Variants in SETBP1 observed in about 807,000 individuals in gnomAD.
SETBP1 encodes the protein SET binding protein 1.
Under a neutral mutation model 101.0 loss-of-function variants are expected in SETBP1, and 9 were observed. The observed-to-expected ratio is 0.09, with a 90% CI of 0.05 to 0.16. The LOEUF is 0.16. SETBP1 is among the 10% of genes least tolerant of loss of function. The probability of loss-of-function intolerance (pLI) is 1.00; values close to 1 mark genes in which losing one functional copy is unlikely to be tolerated. For synonymous variants in SETBP1, 818 were observed against 788.5 expected, an observed-to-expected ratio of 1.04 and a Z score of -0.63; for missense variants, 1,858 against 2,033.8, an observed-to-expected ratio of 0.91 and a Z score of 1.66.
At position 44,715,418 on chromosome 18, in the gene SETBP1, G is replaced by A. The variant is rs147969670; in HGVS notation, c.486+13586G>A. 2.4e-3 allele frequency among the ~76,000 whole-genome samples: 358 copies of A among 152,306 alleles called. 1 individual carries two copies. Among genetic ancestry groups the A allele is most frequent in the African/African-American group, 8.3e-3 (347 of 41,562 alleles). ...AGTTATTTACAGGGTATTCTAAAGTGTCCTGGTTTGGACTGAGAATGTGGG... is the reference window on the plus strand; with the variant it reads ...AGTTATTTACAGGGTATTCTAAAGTATCCTGGTTTGGACTGAGAATGTGGG... On this transcript the variant is annotated intron_variant, in intron 2 of 5. Transcript: ENST00000649279.
At chr18:44,729,326 A>G (rs2069784400) in intron 2 of SETBP1, among the ~76,000 whole-genome samples, 2 of 152,240 alleles carry the variant, frequency 1.3e-5, no homozygotes, top group Admixed American at 1.3e-4. Context: ...CTGGAGCAAG[A>G]GATGCCAGCT....
intron 4 of SETBP1, among the ~76,000 whole-genome samples, chr18:44,992,184 G>C (rs962220797): frequency 5.3e-5 from 8 of 152,022 alleles, no homozygotes; most frequent in Admixed American, 6.5e-5. Context: ...CTTACCATAT[G>C]ACTTAAGAAA....
chr18:44,879,853 C>G (rs553815322), intron 3 of SETBP1, among the ~76,000 whole-genome samples: 3 of 152,310 alleles, frequency 2.0e-5, no homozygotes, highest in East Asian at 3.9e-4. Context: ...TTCCCACCTA[C>G]AGCACTTTCT....
chr18:45,038,177 A>G (rs1047624037), intron 4 of SETBP1, among the ~76,000 whole-genome samples: 1 of 152,120 alleles, frequency 6.6e-6, no homozygotes, highest in Non-Finnish European at 1.5e-5. Context: ...CTCTGTAAAG[A>G]TGGGAATGTA....
At chr18:44,796,444 C>T (rs1414812819) in intron 2 of SETBP1, among the ~76,000 whole-genome samples, 4 of 152,188 alleles carry the variant, frequency 2.6e-5, no homozygotes, top group Admixed American at 2.6e-4. Flanking sequence ...TAAGAATGAC[C>T]TGGGGAACTA....
chr18:44,851,984 C>G (rs2072877466), intron 2 of SETBP1, among the ~76,000 whole-genome samples: 1 of 152,254 alleles, frequency 6.6e-6, no homozygotes, highest in South Asian at 2.1e-4. Context: ...CACGCCCTCC[C>G]AGGTGCAGGC....
chr18:44,910,519 T>C (rs1041418163), intron 3 of SETBP1, among the ~76,000 whole-genome samples: 7 of 152,148 alleles, frequency 4.6e-5, no homozygotes, highest in African/African-American at 1.4e-4. Context: ...GCTCCATGTT[T>C]ATCAAAGATC....
chr18:44,755,254 C>G (rs1471643392), intron 2 of SETBP1, among the ~76,000 whole-genome samples: 2 of 152,144 alleles, frequency 1.3e-5, no homozygotes, highest in African/African-American at 4.8e-5. Context: ...TATTAGGTGT[C>G]AACTTGATTG....
chr18:44,898,584 G>A (rs780555951), intron 3 of SETBP1, among the ~76,000 whole-genome samples: 1 of 152,138 alleles, frequency 6.6e-6, no homozygotes, highest in Non-Finnish European at 1.5e-5. Context: ...GGGGAAGGAA[G>A]CCAGGAAGGC....
chr18:44,738,663 C>T (rs998864626), intron 2 of SETBP1, among the ~76,000 whole-genome samples: 1 of 151,768 alleles, frequency 6.6e-6, no homozygotes, highest in African/African-American at 2.4e-5. Flanking sequence ...AATGCCAGCT[C>T]CTCAGGAGGC....
chr18:44,760,306 T>G (rs1450051515), intron 2 of SETBP1, among the ~76,000 whole-genome samples: 5 of 152,168 alleles, frequency 3.3e-5, no homozygotes, highest in Non-Finnish European at 7.4e-5. Context: ...CTGGTTTACG[T>G]GGGTGCACTG....
At chr18:44,835,359 G>A (rs986351775) in intron 2 of SETBP1, among the ~76,000 whole-genome samples, 14 of 151,492 alleles carry the variant, frequency 9.2e-5, no homozygotes, top group African/African-American at 3.4e-4. Context: ...GTGTTTGACA[G>A]TCTCTCTACT....
intron 2 of SETBP1, among the ~76,000 whole-genome samples, chr18:44,805,221 G>A (rs923125296): frequency 2.6e-5 from 4 of 152,074 alleles, no homozygotes; most frequent in East Asian, 1.9e-4. Context: ...ATGAGAAACC[G>A]TTTAAGACTC....
At chr18:45,032,198 A>T (rs1282456495) in intron 4 of SETBP1, among the ~76,000 whole-genome samples, 1 of 152,198 alleles carries the variant, frequency 6.6e-6, no homozygotes, top group Non-Finnish European at 1.5e-5. Context: ...TTGAAATAAT[A>T]AATGGATGAA....
intron 4 of SETBP1, among the ~76,000 whole-genome samples, chr18:44,975,328 G>A (rs1213954004): frequency 6.6e-6 from 1 of 152,208 alleles, no homozygotes. Flanking sequence ...CTTACATAGA[G>A]ATGGAATTTA....
intron 4 of SETBP1, among the ~76,000 whole-genome samples, chr18:44,990,983 G>A (rs1416062557): frequency 2.7e-5 from 4 of 150,456 alleles, no homozygotes; most frequent in Non-Finnish European, 4.4e-5. Flanking sequence ...GGGAGTGGTG[G>A]CTCACGCCTG....
intron 2 of SETBP1, among the ~76,000 whole-genome samples, chr18:44,782,909 A>T (rs1449700381): frequency 2.0e-5 from 3 of 152,048 alleles, no homozygotes; most frequent in Non-Finnish European, 1.5e-5. Flanking sequence ...CCATGACCCC[A>T]TTTTCTTAAA....
intron 2 of SETBP1, among the ~76,000 whole-genome samples, chr18:44,783,223 G>C (rs2071171094): frequency 6.6e-6 from 1 of 152,220 alleles, no homozygotes; most frequent in Non-Finnish European, 1.5e-5. Context: ...TTGGGGGACA[G>C]ATAAGAAGTG....
intron 3 of SETBP1, among the ~76,000 whole-genome samples, chr18:44,890,711 A>C (rs182964817): frequency 1.3e-5 from 2 of 152,276 alleles, no homozygotes; most frequent in East Asian, 1.9e-4. Context: ...TGTTGCTTAA[A>C]AAGTAATTTC....
Sources: allele counts gnomAD v4.1 joint callset (sites outside exome capture counted in the v4.1 genomes callset), GRCh38; gene constraint gnomAD v4.1.1; transcripts MANE v1.5; gene names NCBI Gene and HGNC (gene_info 2026-07-23, HGNC 2026-07-21).